TAF1B: variants seen among roughly 807,000 people sequenced by gnomAD.
TAF1B encodes the protein TATA-box binding protein associated factor, RNA polymerase I subunit B.
TAF1B carries 61 observed loss-of-function variants against 83.9 expected under a neutral mutation model. That is an observed-to-expected ratio of 0.73 (90% CI 0.59 to 0.90). The LOEUF (loss-of-function observed/expected upper bound fraction) is 0.90, where lower values mean the gene tolerates loss of function less well. Among genes scored for constraint, TAF1B ranks in the 40% least tolerant of loss-of-function variants. TAF1B has a pLI of 0.00. For missense variants in TAF1B, 625 were observed against 677.0 expected (o/e 0.92, Z 0.85); for synonymous variants, 221 against 224.6 (o/e 0.98, Z 0.14).
chr2:9,859,385 C>CTTTT (rs1663675836), intron 5 of TAF1B, among the ~76,000 whole-genome samples: 2 of 120,520 alleles, frequency 1.7e-5, no homozygotes. Context: ...TCACTATCAG[C>CTTTT]ATTTTTTTTT....
intron 5 of TAF1B, among the ~76,000 whole-genome samples, chr2:9,865,485 G>C (rs1255168537): frequency 6.6e-6 from 1 of 152,018 alleles, no homozygotes; most frequent in African/African-American, 2.4e-5. Flanking sequence ...TGGGTAGGAA[G>C]AATCAATATC....
At chr2:9,932,660 C>G (rs1054088897) in intron 14 of TAF1B, among the ~76,000 whole-genome samples, 1 of 152,216 alleles carries the variant, frequency 6.6e-6, no homozygotes, top group Non-Finnish European at 1.5e-5. Flanking sequence ...TCTGTCTGTT[C>G]TCAGAGCTCA....
chr2:9,848,722 A>G (rs534727167), intron 2 of TAF1B, among the ~76,000 whole-genome samples: 21 of 152,254 alleles, frequency 1.4e-4, no homozygotes, highest in Middle Eastern at 6.8e-3. Context: ...TTTATGGAAT[A>G]AAGTGTGGCC....
intron 8 of TAF1B, among the ~76,000 whole-genome samples, chr2:9,904,064 A>T (rs1325015625): frequency 6.6e-6 from 1 of 152,300 alleles, no homozygotes; most frequent in Admixed American, 6.5e-5. Flanking sequence ...TTTCTTAAGC[A>T]TTCCAAATAC....
chr2:9,862,041 C>A (rs530715731), intron 5 of TAF1B, among the ~76,000 whole-genome samples: 38 of 100,976 alleles, frequency 3.8e-4, no homozygotes, highest in South Asian at 2.4e-3. Flanking sequence ...CAGAACGCCT[C>A]TCCTCCAAAG....
intron 7 of TAF1B, among the ~76,000 whole-genome samples, chr2:9,879,621 A>G (rs1486412430): frequency 6.6e-6 from 1 of 152,182 alleles, no homozygotes; most frequent in Non-Finnish European, 1.5e-5. Context: ...CAAGCCCTAA[A>G]GCAAGAGCTG....
intron 14 of TAF1B, among the ~76,000 whole-genome samples, chr2:9,928,287 T>A (rs957070993): frequency 6.6e-6 from 1 of 152,218 alleles, no homozygotes; most frequent in African/African-American, 2.4e-5. Flanking sequence ...TAATTTGAAG[T>A]CAGGTAGTGT....
chr2:9,911,820 C>T (rs566982735), intron 11 of TAF1B, among the ~76,000 whole-genome samples: 11 of 152,308 alleles, frequency 7.2e-5, no homozygotes, highest in Admixed American at 6.5e-4. Flanking sequence ...CATGCTAGAT[C>T]ATGAATTTAC....
intron 5 of TAF1B, among the ~76,000 whole-genome samples, chr2:9,867,639 C>T (rs1337722490): frequency 6.6e-6 from 1 of 152,090 alleles, no homozygotes; most frequent in Non-Finnish European, 1.5e-5. Flanking sequence ...TGGGTAATGT[C>T]AGCTAATGAG....
In TAF1B at chr2:9,854,421, G is replaced by A. The variant is rs746418182; in HGVS notation, c.399G>A (p.Thr133=). Residue 133 remains threonine (T), a splice_region_variant and synonymous_variant, in exon 5 of 15, where the codon ACG becomes ACA. Transcript: ENST00000263663. The part of the protein sequence containing the change: ...NPVYTTGRKP[T]VLEDNLSHSD... ...TTTATACCACTGGAAGGAAACCTAC[G>A]GTAAGTCACAAGTCTGAAAAGTTGG... is the stretch of plus-strand genomic sequence containing the variant. 1.9e-5 allele frequency: 30 copies of A among 1,610,610 alleles called. No individual in the cohort carries two copies. The highest frequency in any genetic ancestry group is 1.6e-4 in the Middle Eastern group (1 of 6,080).
chr2:9,850,056 T>C (rs1396015470), intron 3 of TAF1B, among the ~76,000 whole-genome samples: 1 of 150,338 alleles, frequency 6.7e-6, no homozygotes, highest in East Asian at 2.0e-4. Flanking sequence ...TGTGTGTGTG[T>C]TTATGAAATA....
At chr2:9,911,159 G>GT (rs1455662004) in intron 10 of TAF1B, among the ~76,000 whole-genome samples, 2 of 152,166 alleles carry the variant, frequency 1.3e-5, no homozygotes, top group Non-Finnish European at 2.9e-5. Context: ...GTTTGATCAT[G>GT]TTTTATACCT....
At position 9,854,419 on chromosome 2, in the gene TAF1B, A is replaced by G; in HGVS notation, c.397A>G (p.Thr133Ala). The G allele has an allele frequency of 3.7e-6, 6 of 1,610,994 alleles. No individual in the cohort carries two copies. The South Asian group carries it at 6.6e-5, about 18-fold the overall frequency. ...AGTTTATACCACTGGAAGGAAACCTACGGTAAGTCACAAGTCTGAAAAGTT... is the reference window on the plus strand; with the variant it reads ...AGTTTATACCACTGGAAGGAAACCTGCGGTAAGTCACAAGTCTGAAAAGTT... ...NPVYTTGRKPTVLEDNLSHSD... is the reference protein window; with the variant it reads ...NPVYTTGRKPAVLEDNLSHSD... Residue 133 changes from threonine to alanine, a missense_variant and splice_region_variant, in exon 5 of 15, where the codon ACG becomes GCG. Physicochemically the swap from Thr to Ala is moderately conservative, Grantham distance 58. Coordinates refer to ENST00000263663, the MANE Select transcript of TAF1B (RefSeq NM_005680.3).
At position 9,904,873 on chromosome 2, in the gene TAF1B, C is replaced by T. The variant is rs1479258973; in HGVS notation, c.822C>T (p.Tyr274=). Residue 274 remains tyrosine, a synonymous_variant, in exon 9 of 15, where the codon TAC becomes TAT. Coordinates refer to ENST00000263663, the MANE Select transcript of TAF1B (RefSeq NM_005680.3). ...GIFGIESWPD[Y]EDIYKKTVEV... is the part of the protein sequence containing the mutation. ...TTTTATTTCAGTCTTGGCCTGACTA[C>T]GAGGACATCTACAAAAAAACAGTAG... is the stretch of plus-strand genomic sequence containing the variant. 4.3e-6 allele frequency: 7 copies of T among 1,610,544 alleles called. No homozygotes were observed. The highest frequency in any genetic ancestry group is 1.3e-5 in the African/African-American group (1 of 74,958).
At chr2:9,889,895 C>T (rs450286) in intron 8 of TAF1B, among the ~76,000 whole-genome samples, 42,459 of 152,060 alleles carry the variant, frequency 0.28, 6,916 homozygotes, top group Middle Eastern at 0.4. Context: ...GTTTGCCTTC[C>T]GTGAGCTTTG....
At chr2:9,930,140 T>C (rs1213186923) in intron 14 of TAF1B, among the ~76,000 whole-genome samples, 1 of 104,932 alleles carries the variant, frequency 9.5e-6, no homozygotes. Context: ...CCCGGATTCA[T>C]TGATTTTTTT....
chr2:9,861,161 C>T (rs900944138), intron 5 of TAF1B, among the ~76,000 whole-genome samples: 9 of 152,218 alleles, frequency 5.9e-5, no homozygotes, highest in Non-Finnish European at 1.0e-4. Context: ...TCGCCTCACC[C>T]GGGAACTGCA....
At chr2:9,913,385 C>CT (rs1665591069) in intron 12 of TAF1B, 136 bp downstream of exon 12, 1 of 573,004 alleles carries the variant, frequency 1.7e-6, no homozygotes, top group African/African-American at 1.9e-5. Flanking sequence ...GCCCTACACT[C>CT]TAATTAACTT....
At position 9,914,495 on chromosome 2, in the gene TAF1B, G is replaced by A. The variant is rs556346487; in HGVS notation, c.1271+1246G>A. 1.3e-5 allele frequency among the ~76,000 whole-genome samples: 2 copies of A among 152,226 alleles called. No individual in the cohort carries two copies. The highest frequency in any genetic ancestry group is 1.3e-4 in the Admixed American group (2 of 15,292). ...TCCTGACGGATCCTAAGGACTGGGT[G>A]CCTAGGGGCCATTCCTCCCTGGGGT... On this transcript the variant is annotated intron_variant, in intron 12 of 14. Coordinates refer to ENST00000263663, the MANE Select transcript of TAF1B (RefSeq NM_005680.3). This position sits in a 1 kb window ranked among gnomAD's most constrained non-coding sequence, Gnocchi z 4.3.
Sources: allele counts gnomAD v4.1 joint callset (sites outside exome capture counted in the v4.1 genomes callset), GRCh38; gene constraint gnomAD v4.1.1; non-coding constraint Gnocchi (gnomAD v3.1); transcripts MANE v1.5; gene names NCBI Gene and HGNC (gene_info 2026-07-23, HGNC 2026-07-21).